The following PCDH11X variants were observed in gnomAD, a reference collection of about 807,000 sequenced individuals.
The protein encoded by PCDH11X is protocadherin 11 X-linked.
PCDH11X carries 18 observed loss-of-function variants against 53.3 expected under a neutral mutation model. That is an observed-to-expected ratio of 0.34 (90% CI 0.23 to 0.50). The LOEUF is 0.50. Ranked by LOEUF, PCDH11X falls within the 20% of genes least tolerant of loss-of-function variation. The pLI is 0.98. For missense variants in PCDH11X, 570 were observed against 1,032.4 expected, an observed-to-expected ratio of 0.55 and a Z score of 6.14; for synonymous variants, 279 against 393.3, an observed-to-expected ratio of 0.71 and a Z score of 3.44.
chrX:92,296,394 C>T (rs2068609674), intron 8 of PCDH11X, among the ~76,000 whole-genome samples: 1 of 105,466 alleles, frequency 9.5e-6, no homozygotes. Flanking sequence ...CCTGACCCTC[C>T]CCCGACCCAC....
At chrX:91,781,939 C>A (rs1203237845) in intron 1 of PCDH11X, among the ~76,000 whole-genome samples, 2 of 112,256 alleles carry the variant, frequency 1.8e-5, no homozygotes, top group Non-Finnish European at 3.8e-5. Flanking sequence ...TCGCCACACT[C>A]GCCAAGCGGC....
intron 9 of PCDH11X, among the ~76,000 whole-genome samples, chrX:92,410,858 C>T (rs34051075): frequency 0.14 from 12,413 of 91,517 alleles, 1,894 homozygotes; most frequent in African/African-American, 0.35. Context: ...AACTGATGTT[C>T]GATGCCATCA....
At chrX:92,530,755 T>C (rs2074539410) in intron 10 of PCDH11X, among the ~76,000 whole-genome samples, 1 of 111,992 alleles carries the variant, frequency 8.9e-6, no homozygotes. Context: ...TAGAAACAAT[T>C]GTATTAGTCA....
intron 10 of PCDH11X, among the ~76,000 whole-genome samples, chrX:92,491,374 A>C (rs972938480): frequency 1.8e-5 from 2 of 110,818 alleles, no homozygotes; most frequent in Non-Finnish European, 3.8e-5. Flanking sequence ...TATAGTCCTA[A>C]CAGCTTTATA....
chrX:92,280,680 G>T (rs898942606), intron 8 of PCDH11X, among the ~76,000 whole-genome samples: 2 of 110,474 alleles, frequency 1.8e-5, no homozygotes, highest in African/African-American at 6.6e-5. Context: ...ATACAAACAT[G>T]CAATGCTGTA....
intron 6 of PCDH11X, among the ~76,000 whole-genome samples, chrX:92,145,223 G>A (rs1188008143): frequency 9.0e-6 from 1 of 111,635 alleles, no homozygotes; most frequent in Non-Finnish European, 1.9e-5. Flanking sequence ...AAAAATGCGA[G>A]GACAGTCCCA....
intron 7 of PCDH11X, among the ~76,000 whole-genome samples, chrX:92,251,788 G>T (rs990611883): frequency 9.0e-6 from 1 of 110,681 alleles, no homozygotes; most frequent in Non-Finnish European, 1.9e-5. Flanking sequence ...TCATCAATAA[G>T]GGTAGTTAAT....
At chrX:92,472,241 A>G (rs959233819) in intron 10 of PCDH11X, among the ~76,000 whole-genome samples, 18 of 109,633 alleles carry the variant, frequency 1.6e-4, no homozygotes, top group Non-Finnish European at 3.2e-4. Context: ...TTTGGGTTTT[A>G]TGTTTAAGTC....
chrX:92,355,931 A>C (rs1371802980), intron 8 of PCDH11X, among the ~76,000 whole-genome samples: 1 of 111,149 alleles, frequency 9.0e-6, no homozygotes, highest in Non-Finnish European at 1.9e-5. Context: ...TAAAAAAAAA[A>C]CCACTTTAAA....
chrX:92,148,169 C>T (rs185424086), intron 6 of PCDH11X, among the ~76,000 whole-genome samples: 13 of 16,678 alleles, frequency 7.8e-4, no homozygotes, highest in Non-Finnish European at 1.0e-3. Flanking sequence ...TCCTTCCTTC[C>T]TTCCTTCTTT....
chrX:91,940,203 T>C (rs1164036264), intron 6 of PCDH11X, among the ~76,000 whole-genome samples: 1 of 110,921 alleles, frequency 9.0e-6, no homozygotes, highest in Non-Finnish European at 1.9e-5. Context: ...TCCGCCATGA[T>C]TGTAAGCCTC....
chrX:92,031,672 C>A (rs1390723129), intron 6 of PCDH11X, among the ~76,000 whole-genome samples: 1 of 111,272 alleles, frequency 9.0e-6, no homozygotes, highest in African/African-American at 3.3e-5. Flanking sequence ...TGGTGAGAGA[C>A]AGGGATCTAG....
intron 8 of PCDH11X, among the ~76,000 whole-genome samples, chrX:92,333,702 T>C (rs2148507572): frequency 9.0e-6 from 1 of 111,130 alleles, no homozygotes; most frequent in African/African-American, 3.3e-5. Context: ...TTTATATACT[T>C]TGTTCCATTC....
chrX:91,782,184 T>A (rs1175475593), intron 1 of PCDH11X, among the ~76,000 whole-genome samples: 1 of 111,825 alleles, frequency 8.9e-6, no homozygotes, highest in Non-Finnish European at 1.9e-5. Context: ...AGCCCCCCCC[T>A]TCCAGTCCCT....
intron 10 of PCDH11X, among the ~76,000 whole-genome samples, chrX:92,496,748 A>C (rs2073866701): frequency 9.3e-6 from 1 of 107,688 alleles, no homozygotes; most frequent in Non-Finnish European, 1.9e-5. Flanking sequence ...TGAGTCCCTA[A>C]AATGTTATAC....
chrX:92,491,175 G>A (rs767056470), intron 10 of PCDH11X, among the ~76,000 whole-genome samples: 12 of 110,522 alleles, frequency 1.1e-4, no homozygotes, highest in South Asian at 3.9e-4. Flanking sequence ...TCCCAGAATC[G>A]TAGTTCAAAT....
intron 6 of PCDH11X, among the ~76,000 whole-genome samples, chrX:91,918,316 T>C (rs1941637246): frequency 9.2e-6 from 1 of 109,199 alleles, no homozygotes; most frequent in South Asian, 3.9e-4. Flanking sequence ...AATTTCTCTC[T>C]GTGTTGTTTT....
chrX:92,491,600 C>T (rs2073767944), intron 10 of PCDH11X, among the ~76,000 whole-genome samples: 1 of 110,874 alleles, frequency 9.0e-6, no homozygotes, highest in Middle Eastern at 4.7e-3. Flanking sequence ...TTAAAATCTA[C>T]TCTCTTAGTA....
chrX:92,102,259 T>C (rs903766784), intron 6 of PCDH11X, among the ~76,000 whole-genome samples: 5 of 110,855 alleles, frequency 4.5e-5, no homozygotes, highest in African/African-American at 1.3e-4. Flanking sequence ...TTATGAGAAA[T>C]GTAGAGAGTG....
Sources: allele counts gnomAD v4.1 joint callset (sites outside exome capture counted in the v4.1 genomes callset), GRCh38; gene constraint gnomAD v4.1.1; transcripts MANE v1.5; gene names NCBI Gene and HGNC (gene_info 2026-07-23, HGNC 2026-07-21).